Variants in TAMM41 observed in about 807,000 individuals in gnomAD.
TAMM41 encodes the protein phosphatidate cytidylyltransferase, mitochondrial.
TAMM41 carries 36 observed loss-of-function variants against 44.1 expected under a neutral mutation model. The observed-to-expected ratio is 0.82, with a 90% CI of 0.63 to 1.08. TAMM41 has a LOEUF of 1.08. TAMM41 is among the 50% of genes least tolerant of loss of function. The probability of loss-of-function intolerance (pLI) is 0.00; values close to 1 mark genes in which losing one functional copy is unlikely to be tolerated. For missense variants in TAMM41, 417 were observed against 404.3 expected (o/e 1.03, Z -0.27); for synonymous variants, 164 against 153.1 (o/e 1.07, Z -0.53).
the TAMM41 span, among the ~76,000 whole-genome samples, chr3:11,776,342 A>G: frequency 6.6e-6 from 1 of 151,768 alleles, no homozygotes; most frequent in Non-Finnish European, 1.5e-5. Flanking sequence ...TTTTAGAGAC[A>G]GGGTCTCACT....
chr3:11,824,785 A>T (rs544132259), intron 4 of TAMM41, among the ~76,000 whole-genome samples: 1 of 152,314 alleles, frequency 6.6e-6, no homozygotes, highest in African/African-American at 2.4e-5. Context: ...TTCCCTCCAC[A>T]TCCTCAGTGG....
chr3:11,747,876 TATTTA>T, the TAMM41 span, among the ~76,000 whole-genome samples: 11 of 52,010 alleles, frequency 2.1e-4, 1 homozygote, highest in South Asian at 6.6e-4. Context: ...ACTATTTATT[TATTTA>T]TTTTTTTTTT....
intron 3 of TAMM41, among the ~76,000 whole-genome samples, chr3:11,837,798 G>A (rs1275758568): frequency 6.6e-6 from 1 of 152,174 alleles, no homozygotes; most frequent in Non-Finnish European, 1.5e-5. Flanking sequence ...CTCCACTGAG[G>A]CACCAGGCAC....
At chr3:11,769,076 G>A in the TAMM41 span, among the ~76,000 whole-genome samples, 17 of 152,222 alleles carry the variant, frequency 1.1e-4, no homozygotes, top group East Asian at 1.7e-3. Flanking sequence ...AGTGGACCAC[G>A]TCATGAAGAG....
In TAMM41 at chr3:11,844,081, T is replaced by C; in HGVS notation, c.266A>G (p.Asn89Ser). 1 of 1,614,200 alleles carries C rather than the reference T, an allele frequency of 6.2e-7. No homozygotes were observed. Among genetic ancestry groups the C allele is most frequent in the Non-Finnish European group, 8.5e-7 (1 of 1,180,030 alleles). ...LGPKIITSIQ[N>S]NYGAGVYYNS... ...GTAGTAAACTCCAGCGCCATAGTTA[T>C]TCTGGATGGACGTGATAATCTTGGG... Residue 89 changes from asparagine to serine, a missense_variant, in exon 2 of 8, where the codon AAT (asparagine) becomes AGT (serine). Transcript: ENST00000455809.
intron 3 of TAMM41, among the ~76,000 whole-genome samples, chr3:11,837,691 C>A (rs1448730897): frequency 6.6e-6 from 1 of 152,146 alleles, no homozygotes; most frequent in South Asian, 2.1e-4. Flanking sequence ...AAGGATCCCA[C>A]GACTCAGGCA....
chr3:11,842,737 T>A (rs1488845794), intron 2 of TAMM41, among the ~76,000 whole-genome samples: 1 of 151,434 alleles, frequency 6.6e-6, no homozygotes, highest in Non-Finnish European at 1.5e-5. Flanking sequence ...TCAGGTTCCA[T>A]CTCAGACCAA....
the TAMM41 span, among the ~76,000 whole-genome samples, chr3:11,723,580 CA>C: frequency 0.37 from 35,634 of 96,988 alleles, 3,306 homozygotes; most frequent in East Asian, 0.47. Flanking sequence ...GACCCTGTCT[CA>C]AAAAAAAAAA....
chr3:11,819,957 G>A (rs535602827), intron 4 of TAMM41, among the ~76,000 whole-genome samples: 25 of 152,180 alleles, frequency 1.6e-4, no homozygotes, highest in African/African-American at 6.0e-4. Flanking sequence ...GACGTGCAAA[G>A]ACAACATGCC....
the TAMM41 span, among the ~76,000 whole-genome samples, chr3:11,739,398 G>A: frequency 6.6e-6 from 1 of 152,198 alleles, no homozygotes; most frequent in Non-Finnish European, 1.5e-5. Flanking sequence ...GCAATGAGAT[G>A]TGAGCAGAAG....
At chr3:11,840,711 G>C (rs991212000) in intron 2 of TAMM41, among the ~76,000 whole-genome samples, 1 of 151,722 alleles carries the variant, frequency 6.6e-6, no homozygotes, top group African/African-American at 2.4e-5. Context: ...AGTGGATTGG[G>C]AGTAAAAAAA....
chr3:11,772,271 C>T, the TAMM41 span, among the ~76,000 whole-genome samples: 54 of 145,866 alleles, frequency 3.7e-4, 2 homozygotes, highest in South Asian at 2.8e-3. Context: ...TTAGTAGAGA[C>T]GGGCTTTCAC....
chr3:11,807,954 T>C (rs1181784277), intron 6 of TAMM41, 59 bp from the exon 7 acceptor site: 4 of 1,465,320 alleles, frequency 2.7e-6, no homozygotes, highest in Non-Finnish European at 2.7e-6. Context: ...TTAGTCATCT[T>C]AACAGTTTTA....
chr3:11,776,987 G>A, the TAMM41 span, among the ~76,000 whole-genome samples: 1 of 152,210 alleles, frequency 6.6e-6, no homozygotes, highest in Admixed American at 6.5e-5. Flanking sequence ...TAGTTCCTAG[G>A]GGTCAGGTGG....
At chr3:11,767,228 C>T in the TAMM41 span, among the ~76,000 whole-genome samples, 1 of 152,052 alleles carries the variant, frequency 6.6e-6, no homozygotes, top group Non-Finnish European at 1.5e-5. Context: ...GCCACCATGC[C>T]TGGCTAAATT....
chr3:11,776,278 A>G, the TAMM41 span, among the ~76,000 whole-genome samples: 6 of 151,728 alleles, frequency 4.0e-5, no homozygotes, highest in African/African-American at 1.5e-4. Context: ...TCGGCCTCCC[A>G]AAGTGTTGGG....
intron 3 of TAMM41, among the ~76,000 whole-genome samples, chr3:11,834,695 T>C (rs559738197): frequency 2.6e-5 from 4 of 152,300 alleles, no homozygotes; most frequent in East Asian, 1.9e-4. Context: ...TACTCAAATA[T>C]ATATATTTGG....
chr3:11,733,936 G>A, the TAMM41 span, among the ~76,000 whole-genome samples: 15 of 152,276 alleles, frequency 9.9e-5, no homozygotes, highest in Non-Finnish European at 1.9e-4. Context: ...GGGCCCCAGA[G>A]TTCATTGCAT....
chr3:11,734,141 G>C, the TAMM41 span, among the ~76,000 whole-genome samples: 10,018 of 152,302 alleles, frequency 0.066, 1,109 homozygotes, highest in African/African-American at 0.23. Context: ...TCTGTGCAAA[G>C]AGAACCCGGG....
Sources: allele counts gnomAD v4.1 joint callset (sites outside exome capture counted in the v4.1 genomes callset), GRCh38; gene constraint gnomAD v4.1.1; transcripts MANE v1.5; gene names NCBI Gene and HGNC (gene_info 2026-07-23, HGNC 2026-07-21).